The following ZNF649 variants were observed in gnomAD, a reference collection of about 807,000 sequenced individuals.
The protein encoded by ZNF649 is zinc finger protein 649.
A neutral mutation model predicts 14.1 loss-of-function variants in ZNF649; 7 were observed. That is an observed-to-expected ratio of 0.49 (90% confidence interval 0.28 to 0.93). ZNF649 has a LOEUF of 0.93. Ranked by LOEUF, ZNF649 falls within the 40% of genes least tolerant of loss-of-function variation. ZNF649 has a pLI of 0.10. For synonymous variants in ZNF649, 227 were observed against 212.3 expected (o/e 1.07, Z -0.60); for missense variants, 544 against 608.1 (o/e 0.89, Z 1.11).
Position 51,904,733 on chromosome 19 carries a change from C to A in ZNF649, c.-188+181G>T, listed in dbSNP as rs550697073. Among the ~76,000 whole-genome samples the A allele has an allele frequency of 6.9e-4, 105 of 152,204 alleles. 1 individual carries two copies. The highest frequency in any genetic ancestry group is 2.5e-3 in the African/African-American group (103 of 41,550). On this transcript the variant is annotated intron_variant, in intron 1 of 4. Transcript: ENST00000354957. ...CCTCAGAGACCCCAAACTCTGACGC[C>A]GAGTCTCAGTCGCTGAACTCGACAG... is the stretch of plus-strand genomic sequence containing the variant.
intron 1 of ZNF649, among the ~76,000 whole-genome samples, chr19:51,902,354 C>T (rs1404324476): frequency 6.6e-6 from 1 of 152,242 alleles, no homozygotes; most frequent in East Asian, 1.9e-4. Context: ...CTGCCCCCAA[C>T]TTCAGACGCA....
intron 4 of ZNF649, 182 bp downstream of exon 4, chr19:51,896,290 T>A: frequency 1.8e-6 from 1 of 542,714 alleles, no homozygotes; most frequent in Non-Finnish European, 3.3e-6. Flanking sequence ...CAAGAAGAGA[T>A]AAAGGGGTAT....
At chr19:51,892,793 A>G (rs2085032937) in intron 4 of ZNF649, among the ~76,000 whole-genome samples, 1 of 152,242 alleles carries the variant, frequency 6.6e-6, no homozygotes, top group Admixed American at 6.5e-5. Context: ...AGACTGATGG[A>G]ACAGACTCTT....
chr19:51,894,785 C>T (rs1280412631), intron 4 of ZNF649, among the ~76,000 whole-genome samples: 1 of 152,080 alleles, frequency 6.6e-6, no homozygotes, highest in Non-Finnish European at 1.5e-5. Flanking sequence ...TAAATTCAGT[C>T]TCTTCTACTG....
In ZNF649 at chr19:51,900,144, G is replaced by A; in HGVS notation, c.-37C>T. 1 of 1,479,548 alleles carries A rather than the reference G, an allele frequency of 6.8e-7. No homozygotes were observed. Among genetic ancestry groups the A allele is most frequent in the Non-Finnish European group, 9.0e-7 (1 of 1,112,648 alleles). 91.7% of individuals were successfully genotyped at this position (1,479,548 alleles called of 1,614,324 possible). A position where few individuals can be genotyped will look rare whatever the true frequency, so the allele number is the denominator to read the frequency against. On this transcript the variant is annotated 5_prime_UTR_variant, in exon 2 of 5. Transcript: ENST00000354957. ...TCAGGAAATACCCAAGAACTGGGAT[G>A]CTTCGTCTTTGGTTTCTTCTGGATC... is the stretch of plus-strand genomic sequence containing the variant.
intron 1 of ZNF649, among the ~76,000 whole-genome samples, chr19:51,900,778 C>T (rs2085089898): frequency 6.6e-6 from 1 of 152,052 alleles, no homozygotes; most frequent in African/African-American, 2.4e-5. Flanking sequence ...AAGATGGAGG[C>T]AGAGACTGGA....
Position 51,891,389 on chromosome 19 carries a change from G to T in ZNF649, c.747C>A (p.Leu249=), listed in dbSNP as rs1313813147. 2 of 1,614,044 alleles carry T rather than the reference G, an allele frequency of 1.2e-6. No individual in the cohort carries two copies. The highest frequency in any genetic ancestry group is 1.7e-6 in the Non-Finnish European group (2 of 1,179,920). ...CTTTGTGAGCTCTCTCGTGTTCAGTGAGCCTGTACCTCTTGTAGAAGGCTT... is the reference window on the plus strand; with the variant it reads ...CTTTGTGAGCTCTCTCGTGTTCAGTTAGCCTGTACCTCTTGTAGAAGGCTT... The part of the protein sequence containing the change: ...CGKAFYKRYR[L]TEHERAHKGE... Residue 249 remains leucine, a synonymous_variant, in exon 5 of 5, where the codon CTC becomes CTA. Coordinates refer to ENST00000354957, the MANE Select transcript of ZNF649 (RefSeq NM_023074.4). The surrounding 1 kb of genome is among the most constrained non-coding windows in gnomAD (Gnocchi z 4.2).
In ZNF649 at chr19:51,896,467, C is replaced by G; in HGVS notation, c.238+5G>C. 6.2e-7 allele frequency: 1 copy of G among 1,613,888 alleles called. No individual in the cohort carries two copies. Among genetic ancestry groups the G allele is most frequent in the East Asian group, 2.2e-5 (1 of 44,876 alleles). ...TTCCCCTCTTGCTGGTTCTCTCTCA[C>G]TTACCTGGGTGGGCTGGACTGTGGA... On this transcript the variant is annotated splice_donor_5th_base_variant and intron_variant, in intron 4 of 4. Transcript: ENST00000354957.
chr19:51,902,073 T>C (rs900341572), intron 1 of ZNF649, among the ~76,000 whole-genome samples: 1 of 151,980 alleles, frequency 6.6e-6, no homozygotes, highest in African/African-American at 2.4e-5. Context: ...ACCGCATTCT[T>C]CACCTCCAAA....
At chr19:51,901,497 T>C (rs2085094288) in intron 1 of ZNF649, among the ~76,000 whole-genome samples, 1 of 152,140 alleles carries the variant, frequency 6.6e-6, no homozygotes, top group Admixed American at 6.5e-5. Context: ...AAAGAGGCTT[T>C]GGCCAGGCAC....
In ZNF649 at chr19:51,891,350, G is replaced by C. The variant is rs750699673; in HGVS notation, c.786C>G (p.Tyr262Ter). The C allele has an allele frequency of 1.9e-6, 3 of 1,614,146 alleles. No homozygotes were observed. The East Asian group carries it at 6.7e-5, about 36-fold the overall frequency. Residue 262 changes from tyrosine (Y) to a stop codon, truncating the protein, a stop_gained, in exon 5 of 5, where the codon TAC becomes TAG. Transcript: ENST00000354957. LOFTEE classifies it low-confidence loss of function (END_TRUNC). The surrounding 1 kb of genome is among the most constrained non-coding windows in gnomAD (Gnocchi z 4.2). ...HERAHKGEKP[Y>*]GCSECGKAFP... ...AGGCTTTCCCACATTCACTGCACCC[G>C]TATGGTTTCTCTCCTTTGTGAGCTC... is the stretch of plus-strand genomic sequence containing the variant.
chr19:51,897,876 C>T (rs747820225), intron 2 of ZNF649, among the ~76,000 whole-genome samples: 12 of 152,130 alleles, frequency 7.9e-5, no homozygotes, highest in Non-Finnish European at 1.5e-4. Context: ...AAACCCAGCA[C>T]TTTGGGAGGC....
rs2085011266 is a variant in ZNF649, at chr19:51,890,431, T to C, written c.*187A>G. On this transcript the variant is annotated 3_prime_UTR_variant, in exon 5 of 5. Coordinates refer to ENST00000354957, the MANE Select transcript of ZNF649 (RefSeq NM_023074.4). ...CCCCCTCCCCAGCCAAACTCTATGATCAAGATAGTAAATGAAAAACAATAT... is the reference window on the plus strand; with the variant it reads ...CCCCCTCCCCAGCCAAACTCTATGACCAAGATAGTAAATGAAAAACAATAT... 5.5e-6 allele frequency: 3 copies of C among 541,842 alleles called. No homozygotes were observed. The highest frequency in any genetic ancestry group is 4.9e-4 in the Middle Eastern group (1 of 2,040). 33.6% of individuals were successfully genotyped at this position (541,842 alleles called of 1,614,324 possible). A position where few individuals can be genotyped will look rare whatever the true frequency, so the allele number is the denominator to read the frequency against.
At position 51,899,567 on chromosome 19, in the gene ZNF649, C is replaced by T. The variant is rs564328243; in HGVS notation, c.15+526G>A. Among the ~76,000 whole-genome samples the T allele has an allele frequency of 4.0e-4, 61 of 152,318 alleles. 1 individual carries two copies. Among genetic ancestry groups the T allele is most frequent in the Middle Eastern group, 3.4e-3 (1 of 294 alleles). Reference sequence around the variant, plus strand: ...CTGGAAAAACTGTGTTCATTAAACCCTTCTTGGTATAGTCCCATAGAGGAC... The same window carrying T: ...CTGGAAAAACTGTGTTCATTAAACCTTTCTTGGTATAGTCCCATAGAGGAC... On this transcript the variant is annotated intron_variant, in intron 2 of 4. Transcript: ENST00000354957.
In ZNF649 at chr19:51,889,781, AAC is replaced by A. The variant is rs1163738770; in HGVS notation, c.*835_*836del. On this transcript the variant is annotated 3_prime_UTR_variant, in exon 5 of 5. Coordinates refer to ENST00000354957, the MANE Select transcript of ZNF649 (RefSeq NM_023074.4). ...AACAAAGGAGACAATATGTAATATA[AAC>A]ACACTCAGCTACTCTAAGGGAAAGC... 6.6e-6 allele frequency: 1 copy of A among 152,264 alleles called. No individual in the cohort carries two copies. Among genetic ancestry groups the A allele is most frequent in the African/African-American group, 2.4e-5 (1 of 41,476 alleles). The allele number at this position is 152,264 out of a possible 1,614,324, so 9.4% of individuals were successfully genotyped here.
intron 2 of ZNF649, chr19:51,897,197 C>T (rs771260096): frequency 1.0e-4 from 54 of 531,580 alleles, no homozygotes; most frequent in East Asian, 5.3e-4. Context: ...TCTGTATAAG[C>T]GAGTTTCACA....
At chr19:51,899,049 T>C (rs1332580834) in intron 2 of ZNF649, among the ~76,000 whole-genome samples, 2 of 152,224 alleles carry the variant, frequency 1.3e-5, no homozygotes, top group Admixed American at 6.5e-5. Flanking sequence ...TGAGGTTGTC[T>C]AGGAGCCCAT....
intron 1 of ZNF649, among the ~76,000 whole-genome samples, chr19:51,902,552 C>A (rs768691677): frequency 1.6e-4 from 24 of 152,156 alleles, no homozygotes; most frequent in Non-Finnish European, 3.1e-4. Context: ...TCACTGCCAG[C>A]GCTTATTTCA....
At chr19:51,893,266 T>C (rs1305918675) in intron 4 of ZNF649, among the ~76,000 whole-genome samples, 1 of 152,202 alleles carries the variant, frequency 6.6e-6, no homozygotes, top group African/African-American at 2.4e-5. Context: ...TACATATATG[T>C]TTGCTCACTA....
Sources: allele counts gnomAD v4.1 joint callset (sites outside exome capture counted in the v4.1 genomes callset), GRCh38; gene constraint gnomAD v4.1.1; non-coding constraint Gnocchi (gnomAD v3.1); transcripts MANE v1.5; gene names NCBI Gene and HGNC (gene_info 2026-07-23, HGNC 2026-07-21).